KCNH5: variants seen among roughly 807,000 people sequenced by gnomAD.
KCNH5 encodes the protein potassium voltage-gated channel subfamily H member 5.
KCNH5 carries 46 observed loss-of-function variants against 96.1 expected under a neutral mutation model. The ratio of observed to expected loss-of-function variants is 0.48; its 90% CI spans 0.38 to 0.61. The LOEUF (loss-of-function observed/expected upper bound fraction) is 0.61, where lower values mean the gene tolerates loss of function less well. KCNH5 is among the 20% of genes least tolerant of loss of function. The pLI, the probability that KCNH5 is intolerant of heterozygous loss-of-function variation, is 0.00. For missense variants in KCNH5, 907 were observed against 1,225.8 expected (o/e 0.74, Z 3.88); for synonymous variants, 439 against 449.8 (o/e 0.98, Z 0.30).
intron 7 of KCNH5, among the ~76,000 whole-genome samples, chr14:62,853,050 T>A (rs1343168249): frequency 6.6e-6 from 1 of 152,140 alleles, no homozygotes; most frequent in African/African-American, 2.4e-5. Context: ...CCAAATGCAC[T>A]TTTCACCTCT....
chr14:63,041,953 A>G (rs1210278489), intron 1 of KCNH5, among the ~76,000 whole-genome samples: 2 of 152,118 alleles, frequency 1.3e-5, no homozygotes, highest in African/African-American at 4.8e-5. Context: ...CAGGTATAAA[A>G]TTGATATTCA....
chr14:63,015,750 G>T (rs185740826), intron 2 of KCNH5, among the ~76,000 whole-genome samples: 1 of 151,718 alleles, frequency 6.6e-6, no homozygotes, highest in Non-Finnish European at 1.5e-5. Flanking sequence ...TAAAAAGTCA[G>T]CCCTCTGTAC....
chr14:62,890,532 A>G (rs971785005), intron 7 of KCNH5, among the ~76,000 whole-genome samples: 6 of 111,278 alleles, frequency 5.4e-5, no homozygotes, highest in Non-Finnish European at 9.8e-5. Context: ...CGTCTCTACT[A>G]AAAATACAAA....
At chr14:63,026,402 A>G (rs1224751330) in intron 1 of KCNH5, among the ~76,000 whole-genome samples, 1 of 152,128 alleles carries the variant, frequency 6.6e-6, no homozygotes, top group East Asian at 1.9e-4. Context: ...AGCAAAGGAA[A>G]CAATCAACAG....
intron 7 of KCNH5, among the ~76,000 whole-genome samples, chr14:62,929,622 A>C (rs1022226624): frequency 6.6e-6 from 1 of 152,010 alleles, no homozygotes; most frequent in Non-Finnish European, 1.5e-5. Context: ...TTTAATTATG[A>C]TATTTTTGAA....
chr14:62,846,893 C>T (rs1340211455), intron 8 of KCNH5, among the ~76,000 whole-genome samples: 6 of 145,366 alleles, frequency 4.1e-5, no homozygotes, highest in African/African-American at 5.0e-5. Flanking sequence ...CTCCGCCTCC[C>T]GGGTTCACAC....
At chr14:63,017,087 C>A (rs1176067254) in intron 1 of KCNH5, 133 bp from the exon 2 acceptor site, 3 of 825,602 alleles carry the variant, frequency 3.6e-6, no homozygotes, top group Admixed American at 3.3e-5. Flanking sequence ...AATAATATAA[C>A]CTGTTCTTGA....
intron 9 of KCNH5, among the ~76,000 whole-genome samples, chr14:62,800,574 G>T (rs935464750): frequency 2.6e-5 from 4 of 151,920 alleles, no homozygotes; most frequent in African/African-American, 9.7e-5. Context: ...TTATCATGAG[G>T]GTTATCATGA....
chr14:62,910,941 A>AC (rs1555363115), intron 7 of KCNH5, among the ~76,000 whole-genome samples: 1,571 of 140,852 alleles, frequency 0.011, 30 homozygotes, highest in African/African-American at 0.039. Flanking sequence ...ACACACACAC[A>AC]CCCCTCTGTT....
intron 7 of KCNH5, among the ~76,000 whole-genome samples, chr14:62,873,421 G>A (rs1269122549): frequency 6.6e-6 from 1 of 152,042 alleles, no homozygotes; most frequent in African/African-American, 2.4e-5. Context: ...CAGGTATTAG[G>A]CAGACAAATT....
At chr14:62,858,745 G>A (rs1356743020) in intron 7 of KCNH5, among the ~76,000 whole-genome samples, 1 of 152,138 alleles carries the variant, frequency 6.6e-6, no homozygotes, top group Non-Finnish European at 1.5e-5. Flanking sequence ...TTAATTACTA[G>A]ACCCATGAAT....
chr14:62,999,895 A>G (rs1483834583), intron 4 of KCNH5, among the ~76,000 whole-genome samples: 2 of 152,060 alleles, frequency 1.3e-5, no homozygotes, highest in Non-Finnish European at 2.9e-5. Context: ...AAGAAAAAAA[A>G]AACCCTAAAT....
intron 10 of KCNH5, among the ~76,000 whole-genome samples, chr14:62,749,749 C>A (rs1885456635): frequency 6.6e-6 from 1 of 152,170 alleles, no homozygotes; most frequent in African/African-American, 2.4e-5. Context: ...TAAAGACAGC[C>A]AGGTTTCTGA....
chr14:62,842,320 G>A (rs1327137885), intron 8 of KCNH5, among the ~76,000 whole-genome samples: 2 of 152,032 alleles, frequency 1.3e-5, no homozygotes, highest in Non-Finnish European at 2.9e-5. Context: ...CTTGTGATAC[G>A]TGAAACGAAA....
rs533899436 is a variant in KCNH5 at position 62,828,720 on chromosome 14, A to G, written c.1569+20933T>C. Among the ~76,000 whole-genome samples, 237 of 152,256 alleles carry G rather than the reference A, an allele frequency of 1.6e-3. 2 individuals are homozygous for G. Among genetic ancestry groups the G allele is most frequent in the African/African-American group, 5.6e-3 (233 of 41,564 alleles). ...TTTAAGATGAGATTTGGGTGGGGACACAGACCCAAAGCATATCATTCCATC... is the reference window on the plus strand; with the variant it reads ...TTTAAGATGAGATTTGGGTGGGGACGCAGACCCAAAGCATATCATTCCATC... On this transcript the variant is annotated intron_variant, in intron 8 of 10. Coordinates refer to ENST00000322893, the MANE Select transcript of KCNH5 (RefSeq NM_139318.5).
chr14:62,757,152 C>T (rs1021550147), intron 10 of KCNH5, among the ~76,000 whole-genome samples: 1 of 152,154 alleles, frequency 6.6e-6, no homozygotes, highest in African/African-American at 2.4e-5. Context: ...GTAGACATTT[C>T]TCAAAAGAAG....
intron 7 of KCNH5, among the ~76,000 whole-genome samples, chr14:62,867,960 C>T (rs1888167102): frequency 6.6e-6 from 1 of 152,244 alleles, no homozygotes; most frequent in Admixed American, 6.5e-5. Context: ...CTTACCCCTA[C>T]CTGACATTGG....
Position 63,000,136 on chromosome 14 carries a change from T to C in KCNH5, c.433+1195A>G, listed in dbSNP as rs1191410650. 2.6e-5 allele frequency among the ~76,000 whole-genome samples: 4 copies of C among 152,308 alleles called. No individual in the cohort carries two copies. The East Asian group carries it at 5.8e-4, about 22-fold the overall frequency. On this transcript the variant is annotated intron_variant, in intron 4 of 10. Coordinates refer to ENST00000322893, the MANE Select transcript of KCNH5 (RefSeq NM_139318.5). ...AACTGAGCAGATACAATATTATATA[T>C]GTGAGTTCCTATGCAAGGAATAAAC... is the stretch of plus-strand genomic sequence containing the variant.
chr14:62,877,766 C>T (rs2140072903), intron 7 of KCNH5, among the ~76,000 whole-genome samples: 1 of 151,904 alleles, frequency 6.6e-6, no homozygotes, highest in Non-Finnish European at 1.5e-5. Flanking sequence ...ACTAGTTCAA[C>T]CATTGTGGAA....
Sources: gnomAD v4.1 joint callset for allele counts (sites outside exome capture counted in the v4.1 genomes callset) on GRCh38, gnomAD v4.1.1 for gene constraint, MANE v1.5 for transcripts, NCBI Gene and HGNC (gene_info 2026-07-23, HGNC 2026-07-21) for gene names.